DENND4A: variants seen among roughly 807,000 people sequenced by gnomAD.
DENND4A encodes C-myc promoter-binding protein.
In DENND4A, 70 loss-of-function variants were observed where a neutral mutation model predicts 199.3. That is an observed-to-expected ratio of 0.35 (90% confidence interval 0.29 to 0.43). The LOEUF (loss-of-function observed/expected upper bound fraction) is 0.43. Ranked by LOEUF, DENND4A falls within the 20% of genes least tolerant of loss-of-function variation. The pLI, the probability that DENND4A is intolerant of heterozygous loss-of-function variation, is 1.00. For missense variants in DENND4A, 1,723 were observed against 2,255.8 expected, an observed-to-expected ratio of 0.76 and a Z score of 4.78; for synonymous variants, 686 against 766.9, an observed-to-expected ratio of 0.89 and a Z score of 1.74.
In DENND4A at chr15:65,676,534, G is replaced by A; in HGVS notation, c.4280C>T (p.Pro1427Leu). ...AGCACTGGTCTCTTGAGAGGAGATAGGTCCTTCCAACTCATGGCAGACATC... is the reference window on the plus strand; with the variant it reads ...AGCACTGGTCTCTTGAGAGGAGATAAGTCCTTCCAACTCATGGCAGACATC... Reference protein sequence around the residue: ...DEDVCHELEGPISSQETSATS... With the variant: ...DEDVCHELEGLISSQETSATS... Residue 1427 changes from proline (P) to leucine (L), a missense_variant, in exon 24 of 33, where the codon CCT becomes CTT. Around this residue, in one of 6 missense-constraint regions of DENND4A, gnomAD observed 650 missense variants for 738.1 expected, o/e 0.88. Coordinates refer to ENST00000443035, the MANE Select transcript of DENND4A (RefSeq NM_001320835.1). 1 of 1,613,642 alleles carries A rather than the reference G, an allele frequency of 6.2e-7. No individual in the cohort carries two copies. Among genetic ancestry groups the A allele is most frequent in the Non-Finnish European group, 8.5e-7 (1 of 1,179,734 alleles).
chr15:65,684,598 T>C (rs543423049), intron 23 of DENND4A, among the ~76,000 whole-genome samples: 4 of 152,346 alleles, frequency 2.6e-5, no homozygotes, highest in South Asian at 4.1e-4. Flanking sequence ...TTGTATATTA[T>C]GGATTCAAGT....
chr15:65,701,880 C>T lies in DENND4A; in HGVS notation c.2441G>A (p.Arg814His), dbSNP rs1324199204. 6 of 1,613,632 alleles carry T rather than the reference C, an allele frequency of 3.7e-6. No individual in the cohort carries two copies. The highest frequency in any genetic ancestry group is 2.2e-5 in the East Asian group (1 of 44,866). The change falls in exon 18 of 33, where the codon CGC becomes CAC. Residue 814 changes from arginine (R) to histidine (H), a missense_variant. Physicochemically the swap from Arg to His is conservative, Grantham distance 29 (BLOSUM62 0). Around this residue, in one of 6 missense-constraint regions of DENND4A, gnomAD observed 36 missense variants for 85.7 expected, o/e 0.42. Coordinates refer to ENST00000443035, the MANE Select transcript of DENND4A (RefSeq NM_001320835.1). ...TTGTCCACAGAGTTGCATAAGAATG[C>T]GGTAGCATACCTGAAATACAAGTTC... ...KMDPPDEVCY[R>H]ILMQLCGQYD...
At chr15:65,741,174 T>C (rs1488332965) in intron 5 of DENND4A, among the ~76,000 whole-genome samples, 1 of 152,008 alleles carries the variant, frequency 6.6e-6, no homozygotes, top group Non-Finnish European at 1.5e-5. Context: ...TGCCTCAGCC[T>C]CCGAAAAAAC....
chr15:65,760,222 C>T (rs1166018204), intron 2 of DENND4A, among the ~76,000 whole-genome samples: 3 of 152,148 alleles, frequency 2.0e-5, no homozygotes, highest in Non-Finnish European at 4.4e-5. Context: ...CATGGCCAGG[C>T]GTGGTGGCTC....
At chr15:65,764,971 C>CAAAAAAA (rs1567090727) in intron 1 of DENND4A, among the ~76,000 whole-genome samples, 2 of 89,134 alleles carry the variant, frequency 2.2e-5, no homozygotes, top group Non-Finnish European at 2.2e-5. Flanking sequence ...GACCCTGTCT[C>CAAAAAAA]CAAAAAAAAA....
At chr15:65,693,603 T>A (rs544833113) in intron 22 of DENND4A, among the ~76,000 whole-genome samples, 3 of 151,608 alleles carry the variant, frequency 2.0e-5, no homozygotes, top group Non-Finnish European at 4.4e-5. Flanking sequence ...CTGCTTGGAA[T>A]GCACCCTCTC....
chr15:65,671,778 G>A lies in DENND4A; in HGVS notation c.4464+14C>T, dbSNP rs1219945489. On this transcript the variant is annotated intron_variant, in intron 25 of 32. Coordinates refer to ENST00000443035, the MANE Select transcript of DENND4A (RefSeq NM_001320835.1). Reference sequence around the variant, plus strand: ...AAGCAGTATATGAAGATTCTCTTTTGCACAAAAGTGTACCTCCATTGCATA... The same window carrying A: ...AAGCAGTATATGAAGATTCTCTTTTACACAAAAGTGTACCTCCATTGCATA... 6.7e-7 allele frequency: 1 copy of A among 1,499,982 alleles called. No individual in the cohort carries two copies. Among genetic ancestry groups the A allele is most frequent in the South Asian group, 1.1e-5 (1 of 88,772 alleles). 92.9% of individuals were successfully genotyped at this position (1,499,982 alleles called of 1,614,324 possible).
At chr15:65,695,221 A>G (rs575397708) in intron 22 of DENND4A, among the ~76,000 whole-genome samples, 1 of 152,314 alleles carries the variant, frequency 6.6e-6, no homozygotes, top group South Asian at 2.1e-4. Context: ...ATCAAGGGCT[A>G]AAGAGTAAAT....
chr15:65,706,052 TTCTC>T (rs779037145), intron 15 of DENND4A, 35 bp downstream of exon 15: 1 of 1,473,746 alleles, frequency 6.8e-7, no homozygotes, highest in Non-Finnish European at 9.0e-7. Flanking sequence ...GATGGATTGC[TTCTC>T]TCTTTCAATC....
chr15:65,680,431 G>A (rs773791069), intron 23 of DENND4A, among the ~76,000 whole-genome samples: 1 of 152,158 alleles, frequency 6.6e-6, no homozygotes, highest in Admixed American at 6.5e-5. Context: ...ATACAGATAT[G>A]TATTTTAACA....
At chr15:65,791,569 A>G (rs1388217426) in intron 1 of DENND4A, among the ~76,000 whole-genome samples, 1 of 151,742 alleles carries the variant, frequency 6.6e-6, no homozygotes, top group Non-Finnish European at 1.5e-5. Context: ...CTGGGAGGAA[A>G]AGTGGGCCTG....
intron 7 of DENND4A, among the ~76,000 whole-genome samples, chr15:65,734,590 C>G (rs1055668539): frequency 5.3e-5 from 8 of 152,004 alleles, no homozygotes; most frequent in Non-Finnish European, 1.2e-4. Flanking sequence ...CGAGAAACAC[C>G]CACAGGTGTG....
At chr15:65,710,706 T>C (rs2075223149) in intron 14 of DENND4A, among the ~76,000 whole-genome samples, 1 of 152,278 alleles carries the variant, frequency 6.6e-6, no homozygotes, top group African/African-American at 2.4e-5. Context: ...GATATGTGTC[T>C]ATTCCAAATC....
At position 65,759,771 on chromosome 15, in the gene DENND4A, G is replaced by T. The variant is rs573870844; in HGVS notation, c.-23+1589C>A. On this transcript the variant is annotated intron_variant, in intron 2 of 32. Transcript: ENST00000443035. ...ATTGACCATCTATTTATTTAAGAAA[G>T]TTGCAGAATAACAAAAGGACTTTTG... 2.0e-5 allele frequency among the ~76,000 whole-genome samples: 3 copies of T among 152,312 alleles called. No homozygotes were observed. In the East Asian group the frequency reaches 5.8e-4, roughly 29 times the overall value.
At chr15:65,787,072 T>C (rs1021126968) in intron 1 of DENND4A, among the ~76,000 whole-genome samples, 2 of 152,180 alleles carry the variant, frequency 1.3e-5, no homozygotes, top group Non-Finnish European at 2.9e-5. Flanking sequence ...AAATGAAATA[T>C]GTTAACATTT....
chr15:65,785,066 G>A (rs552946722), intron 1 of DENND4A, among the ~76,000 whole-genome samples: 64 of 151,858 alleles, frequency 4.2e-4, no homozygotes, highest in African/African-American at 1.5e-3. Flanking sequence ...CCTGGGAGGC[G>A]GAGGTTGCAG....
chr15:65,697,479 T>C (rs893550363), intron 20 of DENND4A, 96 bp from the exon 21 acceptor site: 1 of 755,630 alleles, frequency 1.3e-6, no homozygotes, highest in South Asian at 1.7e-5. Flanking sequence ...GATTTCCTTA[T>C]AAATTTTTTT....
At position 65,667,451 on chromosome 15, in the gene DENND4A, T is replaced by C. The variant is rs2076080210; in HGVS notation, c.5239A>G (p.Lys1747Glu). Residue 1747 changes from lysine to glutamate, a missense_variant and splice_region_variant, in exon 29 of 33, where the codon AAG (lysine) becomes GAG (glutamate). Coordinates refer to ENST00000443035, the MANE Select transcript of DENND4A (RefSeq NM_001320835.1). ...CCTTTTAATTTTTAGTCTCATACCT[T>C]TGAATACTTGTTACAGTGCTCAGAA... is the stretch of plus-strand genomic sequence containing the variant. ...LSSEHCNKYS[K>E]IPRHCMSEDS... 4.3e-6 allele frequency: 7 copies of C among 1,613,716 alleles called. No individual in the cohort carries two copies. The highest frequency in any genetic ancestry group is 4.5e-5 in the East Asian group (2 of 44,892).
intron 3 of DENND4A, among the ~76,000 whole-genome samples, chr15:65,755,841 C>A (rs563183374): frequency 9.9e-5 from 15 of 152,196 alleles, no homozygotes; most frequent in Admixed American, 2.6e-4. Context: ...TAAAAATAAT[C>A]AAAAATTTTC....
Sources: allele counts gnomAD v4.1 joint callset (sites outside exome capture counted in the v4.1 genomes callset), GRCh38; gene constraint gnomAD v4.1.1; regional missense constraint gnomAD v4.1.1; transcripts MANE v1.5; gene names NCBI Gene and HGNC (gene_info 2026-07-23, HGNC 2026-07-21).